LSM4: variants seen among roughly 807,000 people sequenced by gnomAD.
The protein encoded by LSM4 is U6 snRNA-associated Sm-like protein LSm4.
Under a neutral mutation model 22.3 loss-of-function variants are expected in LSM4, and 15 were observed. The observed-to-expected ratio is 0.67, with a 90% CI of 0.45 to 1.03. The LOEUF (loss-of-function observed/expected upper bound fraction) is 1.03, where lower values mean the gene tolerates loss of function less well. Among genes scored for constraint, LSM4 ranks in the 50% least tolerant of loss-of-function variants. The pLI is 0.00. For synonymous variants in LSM4, 90 were observed against 79.8 expected, an observed-to-expected ratio of 1.13 and a Z score of -0.68; for missense variants, 127 against 198.0, an observed-to-expected ratio of 0.64 and a Z score of 2.15.
At chr19:18,322,547 G>A (rs1970435869) in intron 1 of LSM4, among the ~76,000 whole-genome samples, 1 of 152,132 alleles carries the variant, frequency 6.6e-6, no homozygotes, top group Admixed American at 6.6e-5. Flanking sequence ...AAGAGGCCTA[G>A]GAGGCTGTGC....
chr19:18,315,089 G>A (rs1228497055), intron 2 of LSM4, among the ~76,000 whole-genome samples: 1 of 151,892 alleles, frequency 6.6e-6, no homozygotes, highest in Non-Finnish European at 1.5e-5. Context: ...GTTTCACCGT[G>A]TTAGCCAGGA....
rs1055401016 is a variant in LSM4 at position 18,317,906 on chromosome 19, A to T, written c.4-1841T>A. On this transcript the variant is annotated intron_variant, in intron 1 of 4. Coordinates refer to ENST00000593829, the MANE Select transcript of LSM4 (RefSeq NM_012321.5). Reference sequence around the variant, plus strand: ...GTAGTATTTCTATTACTGGGGGGGAAATCAACACTTTCATTTTGGAAACAG... The same window carrying T: ...GTAGTATTTCTATTACTGGGGGGGATATCAACACTTTCATTTTGGAAACAG... Among the ~76,000 whole-genome samples, 5 of 152,244 alleles carry T rather than the reference A, an allele frequency of 3.3e-5. No homozygotes were observed. The South Asian group carries it at 1.0e-3, about 32-fold the overall frequency.
chr19:18,315,296 C>G (rs1370281900), intron 2 of LSM4, among the ~76,000 whole-genome samples: 1 of 152,082 alleles, frequency 6.6e-6, no homozygotes, highest in Non-Finnish European at 1.5e-5. Context: ...ACTACAGGTG[C>G]ACGCCACTAC....
intron 1 of LSM4, among the ~76,000 whole-genome samples, chr19:18,320,775 G>A (rs978565328): frequency 1.3e-5 from 2 of 152,062 alleles, no homozygotes; most frequent in Non-Finnish European, 2.9e-5. Flanking sequence ...CAGCCTGGGC[G>A]ACAGAACAAG....
chr19:18,316,239 C>A, intron 1 of LSM4, 174 bp from the exon 2 acceptor site: 1 of 539,062 alleles, frequency 1.9e-6, no homozygotes, highest in Non-Finnish European at 3.3e-6. Flanking sequence ...AGCCCTGGAA[C>A]ACACACCTGC....
At chr19:18,312,322 G>A in intron 3 of LSM4, 1 of 390,530 alleles carries the variant, frequency 2.6e-6, no homozygotes. Context: ...GGCTGCCCCA[G>A]CCTGAGCCAC....
chr19:18,307,593 T>A, intron 4 of LSM4, 38 bp from the exon 5 acceptor site: 2 of 1,414,920 alleles, frequency 1.4e-6, no homozygotes, highest in Non-Finnish European at 1.9e-6. Flanking sequence ...CAGAGCCAGG[T>A]GGGTGGGACC....
In LSM4 at chr19:18,309,997, G is replaced by C. The variant is rs1970281149; in HGVS notation, c.145-136C>G. On this transcript the variant is annotated intron_variant, in intron 3 of 4. Coordinates refer to ENST00000593829, the MANE Select transcript of LSM4 (RefSeq NM_012321.5). ...GCAAGCTGCACAGTATCAGTCCCGG[G>C]ACATACGTGGCAAAGGGTCCACCCT... The C allele has an allele frequency of 1.1e-5, 9 of 792,104 alleles. No individual in the cohort carries two copies. In the South Asian group the frequency reaches 1.4e-4, roughly 12 times the overall value. 49.1% of individuals were successfully genotyped at this position (792,104 alleles called of 1,614,324 possible). A position where few individuals can be genotyped will look rare whatever the true frequency, so the allele number is the denominator to read the frequency against.
intron 2 of LSM4, among the ~76,000 whole-genome samples, chr19:18,314,080 G>A (rs1388295281): frequency 1.3e-5 from 2 of 152,034 alleles, no homozygotes; most frequent in Non-Finnish European, 2.9e-5. Flanking sequence ...TCCCACCAGG[G>A]CTGAGATTTT....
chr19:18,319,621 C>A (rs1970402264), intron 1 of LSM4, among the ~76,000 whole-genome samples: 1 of 152,204 alleles, frequency 6.6e-6, no homozygotes, highest in Admixed American at 6.5e-5. Context: ...ACTCTCACAA[C>A]ACTCCTCAGG....
At chr19:18,315,729 C>T (rs1023348424) in intron 2 of LSM4, among the ~76,000 whole-genome samples, 5 of 151,730 alleles carry the variant, frequency 3.3e-5, no homozygotes, top group Non-Finnish European at 7.4e-5. Flanking sequence ...TTCTTCTTGC[C>T]CAGGCTGATC....
At chr19:18,315,300 C>T (rs1265583488) in intron 2 of LSM4, among the ~76,000 whole-genome samples, 1 of 152,100 alleles carries the variant, frequency 6.6e-6, no homozygotes, top group Admixed American at 6.6e-5. Context: ...CAGGTGCACG[C>T]CACTACACCC....
rs556803871 is a variant in LSM4, at chr19:18,322,052, A to C, written c.3+966T>G. 8.5e-5 allele frequency among the ~76,000 whole-genome samples: 13 copies of C among 152,288 alleles called. No individual in the cohort carries two copies. In the South Asian group the frequency reaches 1.9e-3, roughly 22 times the overall value. Reference sequence around the variant, plus strand: ...CCACTGCAATTCCCCTGTCTTGATAAATCTGTCTAGGAAGACAGGCAAGGT... The same window carrying C: ...CCACTGCAATTCCCCTGTCTTGATACATCTGTCTAGGAAGACAGGCAAGGT... On this transcript the variant is annotated intron_variant, in intron 1 of 4. Transcript: ENST00000593829.
At chr19:18,321,710 A>T (rs1317583675) in intron 1 of LSM4, among the ~76,000 whole-genome samples, 1 of 152,184 alleles carries the variant, frequency 6.6e-6, no homozygotes, top group Non-Finnish European at 1.5e-5. Context: ...AAAATCTAAG[A>T]TCAGTGCTTG....
At chr19:18,307,621 G>C in intron 4 of LSM4, 66 bp from the exon 5 acceptor site, 1 of 1,204,170 alleles carries the variant, frequency 8.3e-7, no homozygotes, top group Non-Finnish European at 1.1e-6. Flanking sequence ...GGATCCCGGC[G>C]CCCTGAAACT....
At chr19:18,317,099 C>T (rs1970364969) in intron 1 of LSM4, among the ~76,000 whole-genome samples, 1 of 151,816 alleles carries the variant, frequency 6.6e-6, no homozygotes, top group Non-Finnish European at 1.5e-5. Flanking sequence ...TGGCTCACTG[C>T]AACTTCCACC....
intron 1 of LSM4, among the ~76,000 whole-genome samples, chr19:18,320,707 G>A (rs952545934): frequency 1.3e-5 from 2 of 152,088 alleles, no homozygotes; most frequent in African/African-American, 4.8e-5. Context: ...GCTGAGGTAG[G>A]AGAATCACTC....
intron 1 of LSM4, 163 bp from the exon 2 acceptor site, chr19:18,316,228 C>A (rs1970355420): frequency 1.7e-6 from 1 of 596,640 alleles, no homozygotes; most frequent in Non-Finnish European, 3.0e-6. Flanking sequence ...TCACTCTGCC[C>A]AGCCCTGGAA....
chr19:18,319,604 C>T (rs1409884258), intron 1 of LSM4, among the ~76,000 whole-genome samples: 2 of 152,170 alleles, frequency 1.3e-5, no homozygotes, highest in Non-Finnish European at 2.9e-5. Flanking sequence ...AGGGTTGGTG[C>T]AGACCCACTC....
Sources: allele counts gnomAD v4.1 joint callset (sites outside exome capture counted in the v4.1 genomes callset), GRCh38; gene constraint gnomAD v4.1.1; transcripts MANE v1.5; gene names NCBI Gene and HGNC (gene_info 2026-07-23, HGNC 2026-07-21).